Variants in CASD1 observed in about 807,000 individuals in gnomAD.
CASD1 encodes the protein N-acetylneuraminate (7)9-O-acetyltransferase.
A neutral mutation model predicts 100.0 loss-of-function variants in CASD1; 41 were observed. The ratio of observed to expected loss-of-function variants is 0.41; its 90% CI spans 0.32 to 0.53. CASD1 has a LOEUF of 0.53. Ranked by LOEUF, CASD1 falls within the 20% of genes least tolerant of loss-of-function variation. The probability of loss-of-function intolerance (pLI) is 0.25; values close to 1 mark genes in which losing one functional copy is unlikely to be tolerated. For missense variants in CASD1, 774 were observed against 948.7 expected (o/e 0.82, Z 2.42); for synonymous variants, 321 against 315.6 (o/e 1.02, Z -0.18).
chr7:94,539,080 A>G (rs768113612), intron 10 of CASD1, 24 bp downstream of exon 10: 6 of 1,387,660 alleles, frequency 4.3e-6, no homozygotes, highest in Admixed American at 1.7e-5. Context: ...ATTTAAGTTC[A>G]GAAAGTATAG....
Position 94,555,586 on chromosome 7 carries a change from G to A in CASD1, c.2222G>A (p.Ser741Asn), listed in dbSNP as rs1227955041. ...PGNPMLNIIV[S>N]TFIFVCVAHE... is the part of the protein sequence containing the mutation. Reference sequence around the variant, plus strand: ...AACCCTATGCTCAACATCATTGTCAGCACTTTCATATTTGTTTGTGTGGCA... The same window carrying A: ...AACCCTATGCTCAACATCATTGTCAACACTTTCATATTTGTTTGTGTGGCA... Residue 741 changes from serine to asparagine, a missense_variant, in exon 18 of 18, where the codon AGC (serine) becomes AAC (asparagine). Ser to Asn is a conservative substitution (Grantham distance 46, BLOSUM62 1). Around this residue, in one of 5 missense-constraint regions of CASD1, gnomAD observed 175 missense variants for 206.9 expected, o/e 0.85. Transcript: ENST00000297273. 2 of 1,613,374 alleles carry A rather than the reference G, an allele frequency of 1.2e-6. No individual in the cohort carries two copies. The highest frequency in any genetic ancestry group is 1.7e-5 in the Admixed American group (1 of 59,920).
At chr7:94,577,575 T>G in the CASD1 span, among the ~76,000 whole-genome samples, 1 of 152,160 alleles carries the variant, frequency 6.6e-6, no homozygotes, top group Non-Finnish European at 1.5e-5. Flanking sequence ...TAGGGCCTTC[T>G]TAGGTCTTTC....
chr7:94,625,761 C>T, the CASD1 span: 3 of 152,138 alleles, frequency 2.0e-5, no homozygotes, highest in East Asian at 5.8e-4. Flanking sequence ...TGTGAATACA[C>T]CAAGATTAAT....
chr7:94,550,714 G>T (rs1464877973), intron 14 of CASD1, among the ~76,000 whole-genome samples: 1 of 151,884 alleles, frequency 6.6e-6, no homozygotes, highest in Non-Finnish European at 1.5e-5. Flanking sequence ...TCCCATTCAT[G>T]AAGGCTCTGA....
At chr7:94,555,218 CT>C (rs1259453370) in intron 17 of CASD1, among the ~76,000 whole-genome samples, 101 of 152,060 alleles carry the variant, frequency 6.6e-4, no homozygotes, top group African/African-American at 2.3e-3. Context: ...ATTAAATTGT[CT>C]CTTAAAATAG....
At chr7:94,624,521 T>C in the CASD1 span, 2 of 293,288 alleles carry the variant, frequency 6.8e-6, no homozygotes, top group East Asian at 5.4e-5. Context: ...TCATATTTAA[T>C]TATTTCCTTG....
chr7:94,517,525 A>G (rs761009514), intron 1 of CASD1, 35 bp from the exon 2 acceptor site: 2 of 1,341,180 alleles, frequency 1.5e-6, no homozygotes, highest in South Asian at 1.3e-5. Flanking sequence ...AATTTTAACT[A>G]TTGTTTACAA....
intron 11 of CASD1, among the ~76,000 whole-genome samples, chr7:94,544,858 A>G (rs972656314): frequency 1.3e-5 from 2 of 152,108 alleles, no homozygotes; most frequent in African/African-American, 4.8e-5. Context: ...ATGAATATTA[A>G]TTAAGTTTCT....
the CASD1 span, among the ~76,000 whole-genome samples, chr7:94,563,779 C>A: frequency 6.6e-6 from 1 of 151,804 alleles, no homozygotes. Context: ...ACCCAAAGAG[C>A]CTACTAGGCA....
intron 8 of CASD1, 99 bp from the exon 9 acceptor site, chr7:94,537,373 G>C: frequency 2.9e-6 from 3 of 1,022,600 alleles, no homozygotes; most frequent in Non-Finnish European, 4.4e-6. Flanking sequence ...AAAGCATTCT[G>C]GTTTCAGTGC....
chr7:94,599,074 T>TTATGGCAC, the CASD1 span: 1 of 752,138 alleles, frequency 1.3e-6, no homozygotes, highest in Admixed American at 2.6e-5. Flanking sequence ...TAATAAGACA[T>TTATGGCAC]TATGGCACTT....
the CASD1 span, chr7:94,623,331 C>T: frequency 6.3e-7 from 1 of 1,579,704 alleles, no homozygotes. Flanking sequence ...CTACCTTCTG[C>T]AGACATTATA....
intron 3 of CASD1, among the ~76,000 whole-genome samples, chr7:94,520,623 G>A (rs573410038): frequency 3.7e-4 from 56 of 150,654 alleles, no homozygotes; most frequent in Middle Eastern, 3.4e-3. Context: ...TACTCTGGGG[G>A]CTCCTTCTAT....
At chr7:94,513,516 G>T (rs2116168300) in intron 1 of CASD1, among the ~76,000 whole-genome samples, 1 of 152,142 alleles carries the variant, frequency 6.6e-6, no homozygotes, top group East Asian at 1.9e-4. Flanking sequence ...GATTTTCTCT[G>T]CCTGCAGTGA....
chr7:94,547,156 GT>G lies in CASD1; in HGVS notation c.1700del (p.Leu567TrpfsTer23). The G allele has an allele frequency of 1.3e-6, 2 of 1,586,958 alleles. No homozygotes were observed. Among genetic ancestry groups the G allele is most frequent in the Admixed American group, 1.7e-5 (1 of 58,582 alleles). On this transcript the variant is annotated frameshift_variant, in exon 13 of 18. Coordinates refer to ENST00000297273, the MANE Select transcript of CASD1 (RefSeq NM_022900.5). LOFTEE classifies it high-confidence loss of function. ...CTAGGCTTTTTGCTGTTATTCATATGTTTTTTGGCATATTCTCAGGTTTGTA... is the reference window on the plus strand; with the variant it reads ...CTAGGCTTTTTGCTGTTATTCATATGTTTTTGGCATATTCTCAGGTTTGTA... ...LKLGFLLLFICFLAYSQGAFE... is the reference protein window; with the variant it reads ...LKLGFLLLFIXFLAYSQGAFE...
intron 3 of CASD1, among the ~76,000 whole-genome samples, chr7:94,526,759 T>TA (rs1794590835): frequency 6.6e-6 from 1 of 152,166 alleles, no homozygotes; most frequent in Admixed American, 6.5e-5. Flanking sequence ...CTCCTTGTAC[T>TA]ACAGCCCAGG....
chr7:94,610,103 A>G, the CASD1 span, among the ~76,000 whole-genome samples: 36 of 152,358 alleles, frequency 2.4e-4, no homozygotes, highest in Non-Finnish European at 4.3e-4. Context: ...ATAAGCAAAT[A>G]TGGAAAGGCT....
Position 94,549,640 on chromosome 7 carries a change from T to TA in CASD1, c.1815+7dup. The TA allele has an allele frequency of 6.3e-7, 1 of 1,578,804 alleles. No homozygotes were observed. Among genetic ancestry groups the TA allele is most frequent in the Non-Finnish European group, 8.6e-7 (1 of 1,158,232 alleles). ...GATGGAGGTTAGACCGTTATGTATG[T>TA]ATTTACTTTGTGATATTTTGTCATT... On this transcript the variant is annotated splice_region_variant and intron_variant, in intron 14 of 17. Transcript: ENST00000297273.
At chr7:94,618,780 G>A in the CASD1 span, 2 of 1,613,882 alleles carry the variant, frequency 1.2e-6, no homozygotes, top group Non-Finnish European at 1.7e-6. Context: ...TCATTAATGG[G>A]AAGTGGCACC....
Sources: gnomAD v4.1 joint callset for allele counts (sites outside exome capture counted in the v4.1 genomes callset) on GRCh38, gnomAD v4.1.1 for gene constraint, gnomAD v4.1.1 regional missense constraint, MANE v1.5 for transcripts, NCBI Gene and HGNC (gene_info 2026-07-23, HGNC 2026-07-21) for gene names.